The following RBM6 variants were observed in gnomAD, a reference collection of about 807,000 sequenced individuals.
RBM6 encodes the protein RNA binding motif protein 6.
A neutral mutation model predicts 140.4 loss-of-function variants in RBM6; 23 were observed. The ratio of observed to expected loss-of-function variants is 0.16; its 90% CI spans 0.12 to 0.23. RBM6 has a LOEUF of 0.23. Among genes scored for constraint, RBM6 ranks in the 10% least tolerant of loss-of-function variants. The probability of loss-of-function intolerance (pLI) is 1.00; values close to 1 mark genes in which losing one functional copy is unlikely to be tolerated. For missense variants in RBM6, 1,139 were observed against 1,386.7 expected (o/e 0.82, Z 2.84); for synonymous variants, 439 against 475.6 (o/e 0.92, Z 1.00).
chr3:50,017,401 C>T (rs1335937006), intron 6 of RBM6, among the ~76,000 whole-genome samples: 1 of 151,512 alleles, frequency 6.6e-6, no homozygotes, highest in Non-Finnish European at 1.5e-5. Flanking sequence ...ACTAAAAATA[C>T]AAAAAAATTA....
chr3:50,015,453 T>C (rs925409449), intron 6 of RBM6, among the ~76,000 whole-genome samples: 4 of 147,644 alleles, frequency 2.7e-5, no homozygotes, highest in African/African-American at 1.0e-4. Context: ...TTTTTTGAGA[T>C]GGAGCCTCGC....
chr3:49,952,320 C>T lies in RBM6; in HGVS notation c.-66-10256C>T, dbSNP rs140900564. ...CTGGGATTACAGGCATGAGCCACTGCGCCTGGCCCCAGTTTTTGTATTTTT... is the reference window on the plus strand; with the variant it reads ...CTGGGATTACAGGCATGAGCCACTGTGCCTGGCCCCAGTTTTTGTATTTTT... On this transcript the variant is annotated intron_variant, in intron 1 of 20. Transcript: ENST00000266022. Among the ~76,000 whole-genome samples the T allele has an allele frequency of 1.6e-3, 245 of 152,106 alleles. 1 individual carries two copies. Among genetic ancestry groups the T allele is most frequent in the African/African-American group, 5.6e-3 (233 of 41,514 alleles).
intron 19 of RBM6, among the ~76,000 whole-genome samples, chr3:50,071,686 C>T (rs186939757): frequency 1.3e-3 from 205 of 152,256 alleles, no homozygotes; most frequent in Non-Finnish European, 2.2e-3. Context: ...GGTGTCAGAT[C>T]TGCCAGTCTT....
chr3:50,072,050 C>T (rs1241129794), intron 19 of RBM6, among the ~76,000 whole-genome samples: 7 of 136,242 alleles, frequency 5.1e-5, no homozygotes, highest in Non-Finnish European at 9.2e-5. Context: ...TGCCACTGCA[C>T]TCTAGCCTGG....
chr3:49,974,497 A>G (rs1253185986), intron 4 of RBM6, among the ~76,000 whole-genome samples: 6 of 147,532 alleles, frequency 4.1e-5, no homozygotes, highest in Non-Finnish European at 9.0e-5. Context: ...TCAGCCTCCC[A>G]AGTAGCTGGG....
intron 6 of RBM6, among the ~76,000 whole-genome samples, chr3:50,026,411 C>T (rs1479849079): frequency 2.3e-5 from 3 of 130,018 alleles, no homozygotes; most frequent in East Asian, 2.5e-4. Context: ...GACAGAATTT[C>T]GCCCAGTTGC....
chr3:50,036,231 C>G (rs1342354903), intron 6 of RBM6, among the ~76,000 whole-genome samples: 1 of 152,206 alleles, frequency 6.6e-6, no homozygotes, highest in African/African-American at 2.4e-5. Flanking sequence ...TTTTTATAGC[C>G]TACAAACTAC....
rs11328228 is a variant in RBM6 at position 50,037,819 on chromosome 3, C to CT, written c.1558-10407dup. On this transcript the variant is annotated intron_variant, in intron 6 of 20. Transcript: ENST00000266022. ...ATGCGTGGCAAATTTCTTTTCTTTCCTTTTTTTTTTTTTTTTTTTGAGACA... is the reference window on the plus strand; with the variant it reads ...ATGCGTGGCAAATTTCTTTTCTTTCCTTTTTTTTTTTTTTTTTTTTGAGACA... 9.0e-3 allele frequency among the ~76,000 whole-genome samples: 1,143 copies of CT among 127,476 alleles called. 9 individuals carry two copies. Among genetic ancestry groups the CT allele is most frequent in the South Asian group, 0.02 (77 of 3,916 alleles). The allele number at this position is 127,476 out of a possible 152,430, so 83.6% of individuals were successfully genotyped here. A position where few individuals can be genotyped will look rare whatever the true frequency, so the allele number is the denominator to read the frequency against.
At chr3:49,999,591 T>G (rs749241263) in intron 6 of RBM6, 78 bp downstream of exon 6, 6 of 1,227,756 alleles carry the variant, frequency 4.9e-6, no homozygotes, top group Non-Finnish European at 7.2e-6. Flanking sequence ...TCAAATGATT[T>G]TACTTTGGAA....
At chr3:49,955,146 ATTTTTTTTTCTTTCT>A (rs2083916104) in intron 1 of RBM6, among the ~76,000 whole-genome samples, 1 of 66,470 alleles carries the variant, frequency 1.5e-5, no homozygotes, top group Admixed American at 1.6e-4. Context: ...GCCGCATAGT[ATTTTTTTTTCTTTCT>A]TTTTTTTTTT....
chr3:50,016,736 C>G (rs1289604726), intron 6 of RBM6, among the ~76,000 whole-genome samples: 3 of 152,026 alleles, frequency 2.0e-5, no homozygotes, highest in Non-Finnish European at 4.4e-5. Flanking sequence ...GTGGCGTGAT[C>G]CCAGCTCATT....
Position 49,944,041 on chromosome 3 carries a change from T to C in RBM6, c.-67+3816T>C, listed in dbSNP as rs2083390990. Among the ~76,000 whole-genome samples, 3 of 152,202 alleles carry C rather than the reference T, an allele frequency of 2.0e-5. No individual in the cohort carries two copies. In the South Asian group the frequency reaches 6.2e-4, roughly 31 times the overall value. On this transcript the variant is annotated intron_variant, in intron 1 of 20. Transcript: ENST00000266022. ...CCTTTTTACCCATTTTTAAGTGTGC[T>C]ACTTAGTAGTAGTAAGTACATTCTT...
chr3:50,028,144 A>G (rs1286804864), intron 6 of RBM6, among the ~76,000 whole-genome samples: 2 of 151,846 alleles, frequency 1.3e-5, no homozygotes, highest in Admixed American at 6.6e-5. Flanking sequence ...GGTTTTGAGC[A>G]TATCAAGGGC....
intron 6 of RBM6, among the ~76,000 whole-genome samples, chr3:50,041,818 T>G (rs1305188927): frequency 2.0e-5 from 3 of 152,208 alleles, no homozygotes; most frequent in African/African-American, 4.8e-5. Context: ...CTCTAAAAAC[T>G]CCCTATGAGT....
chr3:49,968,456 C>T lies in RBM6; in HGVS notation c.1031C>T (p.Thr344Ile). ...FEHSETREGE[T>I]QGVAFEHESP... is the part of the protein sequence containing the mutation. ...CATTCAGAAACAAGAGAAGGAGAAACACAAGGTGTAGCCTTTGAACATGAG... is the reference window on the plus strand; with the variant it reads ...CATTCAGAAACAAGAGAAGGAGAAATACAAGGTGTAGCCTTTGAACATGAG... The change falls in exon 3 of 21, where the codon ACA becomes ATA. Residue 344 changes from threonine (T) to isoleucine (I), a missense_variant. By Grantham distance (89) the Thr-to-Ile change is moderately conservative. Around this residue, in one of 9 missense-constraint regions of RBM6, gnomAD observed 566 missense variants for 612.7 expected, o/e 0.92. Transcript: ENST00000266022. The T allele has an allele frequency of 1.2e-6, 2 of 1,614,162 alleles. No individual in the cohort carries two copies. The highest frequency in any genetic ancestry group is 1.7e-6 in the Non-Finnish European group (2 of 1,180,036).
intron 6 of RBM6, among the ~76,000 whole-genome samples, chr3:50,030,041 G>C (rs2088059575): frequency 6.6e-6 from 1 of 151,802 alleles, no homozygotes; most frequent in Non-Finnish European, 1.5e-5. Context: ...CATGGCAGAA[G>C]GATTGCTTGA....
intron 11 of RBM6, among the ~76,000 whole-genome samples, chr3:50,060,114 A>C (rs1348424481): frequency 6.6e-6 from 1 of 152,086 alleles, no homozygotes; most frequent in Admixed American, 6.6e-5. Flanking sequence ...GATGCCTGTG[A>C]ATAACCACTG....
chr3:49,997,132 G>A lies in RBM6; in HGVS notation c.1484-2308G>A, dbSNP rs972983129. On this transcript the variant is annotated intron_variant, in intron 5 of 20. Coordinates refer to ENST00000266022, the MANE Select transcript of RBM6 (RefSeq NM_005777.3). ...TTGCTAATTGCTGAAAATCCTTATG[G>A]CACAACCATGAGTCTTGAACACACA... Among the ~76,000 whole-genome samples, 4 of 151,182 alleles carry A rather than the reference G, an allele frequency of 2.6e-5. No homozygotes were observed. The East Asian group carries it at 7.7e-4, about 29-fold the overall frequency.
chr3:49,999,405 C>T (rs776202680), intron 5 of RBM6, 35 bp from the exon 6 acceptor site: 4 of 1,571,554 alleles, frequency 2.5e-6, no homozygotes, highest in Non-Finnish European at 1.8e-6. Flanking sequence ...AAGGCACTAA[C>T]ACCACTCCCG....
Sources: gnomAD v4.1 joint callset for allele counts (sites outside exome capture counted in the v4.1 genomes callset) on GRCh38, gnomAD v4.1.1 for gene constraint, gnomAD v4.1.1 regional missense constraint, MANE v1.5 for transcripts, NCBI Gene and HGNC (gene_info 2026-07-23, HGNC 2026-07-21) for gene names.